The following GMCL1 variants were observed in gnomAD, a reference collection of about 807,000 sequenced individuals.
The protein encoded by GMCL1 is germ cell-less protein-like 1.
Under a neutral mutation model 75.5 loss-of-function variants are expected in GMCL1, and 54 were observed. The observed-to-expected ratio is 0.71, with a 90% CI of 0.57 to 0.90. The LOEUF is 0.90. Among genes scored for constraint, GMCL1 ranks in the 40% least tolerant of loss-of-function variants. The pLI is 0.00. For missense variants in GMCL1, 537 were observed against 622.7 expected, an observed-to-expected ratio of 0.86 and a Z score of 1.47; for synonymous variants, 210 against 209.6, an observed-to-expected ratio of 1.00 and a Z score of -0.02.
chr2:69,854,131 A>ATTC (rs991508616), intron 8 of GMCL1, among the ~76,000 whole-genome samples: 4 of 147,126 alleles, frequency 2.7e-5, no homozygotes, highest in African/African-American at 9.9e-5. Context: ...TATTATTATT[A>ATTC]TTATTATTAT....
chr2:69,876,942 C>G (rs1309437868), intron 13 of GMCL1, among the ~76,000 whole-genome samples: 1 of 152,180 alleles, frequency 6.6e-6, no homozygotes, highest in Non-Finnish European at 1.5e-5. Flanking sequence ...GAGCCATGAT[C>G]ATGCCACCGC....
chr2:69,838,751 G>A (rs1016380502), intron 2 of GMCL1, among the ~76,000 whole-genome samples: 1 of 152,080 alleles, frequency 6.6e-6, no homozygotes, highest in African/African-American at 2.4e-5. Context: ...GTGAACTTGA[G>A]GGTAAGAATA....
At chr2:69,851,747 C>T (rs1362245923) in intron 8 of GMCL1, among the ~76,000 whole-genome samples, 1 of 152,122 alleles carries the variant, frequency 6.6e-6, no homozygotes, top group Non-Finnish European at 1.5e-5. Flanking sequence ...GCCTGGACAG[C>T]AGAGTGAGAC....
intron 9 of GMCL1, among the ~76,000 whole-genome samples, chr2:69,857,029 C>T (rs1675490825): frequency 6.6e-6 from 1 of 152,146 alleles, no homozygotes; most frequent in South Asian, 2.1e-4. Context: ...CCTGGATATG[C>T]CATGAACCTT....
In GMCL1 at chr2:69,829,678, G is replaced by C. The variant is rs889724329; in HGVS notation, c.-215G>C. 2.4e-5 allele frequency: 13 copies of C among 533,978 alleles called. No individual in the cohort carries two copies. Among genetic ancestry groups the C allele is most frequent in the South Asian group, 8.1e-5 (3 of 37,036 alleles). 33.1% of individuals were successfully genotyped at this position (533,978 alleles called of 1,614,324 possible). A position where few individuals can be genotyped will look rare whatever the true frequency, so the allele number is the denominator to read the frequency against. The stretch of plus-strand genomic sequence containing the variant: ...GTCCCGCGCTTTGTTGCGAAAGCGA[G>C]GGGGCGAGGTGCTGCGGTGCTAGAG... On this transcript the variant is annotated 5_prime_UTR_variant, in exon 1 of 14. Coordinates refer to ENST00000282570, the MANE Select transcript of GMCL1 (RefSeq NM_178439.5).
chr2:69,863,485 G>T (rs1675716937), intron 10 of GMCL1, among the ~76,000 whole-genome samples: 1 of 152,120 alleles, frequency 6.6e-6, no homozygotes, highest in African/African-American at 2.4e-5. Context: ...TGCCAAGAGG[G>T]TTATCTTTCT....
intron 13 of GMCL1, among the ~76,000 whole-genome samples, chr2:69,874,560 A>G (rs1163919716): frequency 1.3e-5 from 2 of 149,314 alleles, no homozygotes; most frequent in Non-Finnish European, 3.0e-5. Context: ...TTAATTTTCA[A>G]TTTTCATTTC....
At chr2:69,843,029 G>T (rs1573347188) in intron 4 of GMCL1, 120 bp from the exon 5 acceptor site, 8 of 356,110 alleles carry the variant, frequency 2.2e-5, no homozygotes, top group East Asian at 4.8e-5. Flanking sequence ...TGCACTTAAT[G>T]AGTTTTCTTT....
At chr2:69,833,332 G>A (rs535018312) in intron 1 of GMCL1, among the ~76,000 whole-genome samples, 23 of 152,144 alleles carry the variant, frequency 1.5e-4, no homozygotes, top group Non-Finnish European at 2.9e-4. Context: ...ATACTAAGAC[G>A]GGCCAGGCGT....
At chr2:69,858,829 G>A (rs7596535) in intron 9 of GMCL1, among the ~76,000 whole-genome samples, 44,303 of 151,914 alleles carry the variant, frequency 0.29, 7,508 homozygotes, top group African/African-American at 0.45. Context: ...AGGAGGTTAT[G>A]CAAAAATTGT....
chr2:69,870,045 T>G (rs1347773614), intron 12 of GMCL1, among the ~76,000 whole-genome samples, 181 bp downstream of exon 12: 2 of 147,746 alleles, frequency 1.4e-5, no homozygotes. Flanking sequence ...AATCATAGGA[T>G]CTAGTATGTC....
intron 2 of GMCL1, among the ~76,000 whole-genome samples, chr2:69,838,606 T>C (rs1304704137): frequency 6.6e-6 from 1 of 152,214 alleles, no homozygotes; most frequent in Non-Finnish European, 1.5e-5. Flanking sequence ...AACATTTTAA[T>C]CATGTTTTAA....
chr2:69,855,354 T>TA (rs1464244448), intron 9 of GMCL1, among the ~76,000 whole-genome samples: 3 of 151,946 alleles, frequency 2.0e-5, no homozygotes, highest in Non-Finnish European at 2.9e-5. Context: ...TCTAAAGTCT[T>TA]AAACTTCATG....
chr2:69,836,913 G>A (rs1328930124), intron 1 of GMCL1, among the ~76,000 whole-genome samples: 1 of 151,968 alleles, frequency 6.6e-6, no homozygotes, highest in African/African-American at 2.4e-5. Flanking sequence ...TCTCCTTTGA[G>A]CAGTTTTAAA....
intron 9 of GMCL1, among the ~76,000 whole-genome samples, chr2:69,855,685 C>A (rs546737587): frequency 1.3e-5 from 2 of 152,114 alleles, no homozygotes; most frequent in Non-Finnish European, 2.9e-5. Flanking sequence ...GTTAACTCTT[C>A]TGGTATATTT....
rs1674630686 is a variant in GMCL1 at position 69,830,170 on chromosome 2, C to T, written c.260+18C>T. Reference sequence around the variant, plus strand: ...CCTCGAAGGTACGTGGGGGCACGCACCCGCGCGGACCCGGACCCGCACCTG... The same window carrying T: ...CCTCGAAGGTACGTGGGGGCACGCATCCGCGCGGACCCGGACCCGCACCTG... On this transcript the variant is annotated intron_variant, in intron 1 of 13. Coordinates refer to ENST00000282570, the MANE Select transcript of GMCL1 (RefSeq NM_178439.5). 1 of 1,547,674 alleles carries T rather than the reference C, an allele frequency of 6.5e-7. No individual in the cohort carries two copies. The highest frequency in any genetic ancestry group is 2.0e-5 in the Admixed American group (1 of 50,978).
rs556001532 is a variant in GMCL1, at chr2:69,859,037, T to C, written c.1073-2241T>C. Among the ~76,000 whole-genome samples the C allele has an allele frequency of 4.6e-5, 7 of 150,976 alleles. No homozygotes were observed. The East Asian group carries it at 7.8e-4, about 17-fold the overall frequency. Reference sequence around the variant, plus strand: ...GGCACATGCCTGTAATCCCAGCTACTCGGGAGGCTGAGGCAGAGGAATCGC... The same window carrying C: ...GGCACATGCCTGTAATCCCAGCTACCCGGGAGGCTGAGGCAGAGGAATCGC... On this transcript the variant is annotated intron_variant, in intron 9 of 13. Coordinates refer to ENST00000282570, the MANE Select transcript of GMCL1 (RefSeq NM_178439.5).
intron 11 of GMCL1, 91 bp from the exon 12 acceptor site, chr2:69,869,628 T>G: frequency 1.7e-5 from 21 of 1,268,936 alleles, no homozygotes; most frequent in Non-Finnish European, 2.0e-5. Context: ...ATACTTGGAA[T>G]GAGTTAGAGA....
chr2:69,863,903 A>C (rs934868439), intron 10 of GMCL1, among the ~76,000 whole-genome samples: 1 of 151,658 alleles, frequency 6.6e-6, no homozygotes, highest in Non-Finnish European at 1.5e-5. Flanking sequence ...TTTATCCACT[A>C]TTTCTTCTGC....
Sources: allele counts gnomAD v4.1 joint callset (sites outside exome capture counted in the v4.1 genomes callset), GRCh38; gene constraint gnomAD v4.1.1; transcripts MANE v1.5; gene names NCBI Gene and HGNC (gene_info 2026-07-23, HGNC 2026-07-21).